Variants in KHDRBS2 observed in about 807,000 individuals in gnomAD.
The protein encoded by KHDRBS2 is KH RNA binding domain containing, signal transduction associated 2.
Under a neutral mutation model 44.3 loss-of-function variants are expected in KHDRBS2, and 26 were observed. The observed-to-expected ratio is 0.59, with a 90% CI of 0.43 to 0.81. The LOEUF (loss-of-function observed/expected upper bound fraction) is 0.81, where lower values mean the gene tolerates loss of function less well. Among genes scored for constraint, KHDRBS2 ranks in the 40% least tolerant of loss-of-function variants. The pLI is 0.00. For synonymous variants in KHDRBS2, 194 were observed against 151.1 expected (o/e 1.28, Z -2.08); for missense variants, 476 against 433.1 (o/e 1.10, Z -0.88).
chr6:61,580,330 A>T, the KHDRBS2 span, among the ~76,000 whole-genome samples: 2 of 152,152 alleles, frequency 1.3e-5, no homozygotes, highest in African/African-American at 4.8e-5. Context: ...TAGCTAAAGG[A>T]TTGTAAAGGC....
chr6:61,765,046 A>T (rs1287730414), intron 6 of KHDRBS2, among the ~76,000 whole-genome samples: 2 of 152,198 alleles, frequency 1.3e-5, no homozygotes, highest in Non-Finnish European at 2.9e-5. Flanking sequence ...TCGAACTTCA[A>T]ATTACGAAAG....
intron 2 of KHDRBS2, among the ~76,000 whole-genome samples, chr6:62,082,903 C>A (rs771039698): frequency 6.6e-6 from 1 of 152,064 alleles, no homozygotes; most frequent in Admixed American, 6.6e-5. Flanking sequence ...GAGATACCCC[C>A]GGAATCCACT....
intron 3 of KHDRBS2, among the ~76,000 whole-genome samples, chr6:62,041,417 A>G (rs909716389): frequency 3.9e-5 from 6 of 152,128 alleles, no homozygotes; most frequent in African/African-American, 7.2e-5. Flanking sequence ...GAAAAGAACT[A>G]CATCATTATA....
intron 6 of KHDRBS2, among the ~76,000 whole-genome samples, chr6:61,776,045 A>T (rs1030151268): frequency 7.2e-5 from 11 of 152,206 alleles, no homozygotes; most frequent in Non-Finnish European, 1.3e-4. Flanking sequence ...TGGGGAAAGG[A>T]TTCCCTATTT....
intron 2 of KHDRBS2, among the ~76,000 whole-genome samples, chr6:62,161,475 G>T (rs1817604521): frequency 6.9e-6 from 1 of 144,886 alleles, no homozygotes; most frequent in Non-Finnish European, 1.5e-5. Context: ...GAGTAACCTA[G>T]ATATCATTTA....
Position 61,979,866 on chromosome 6 carries a change from A to G in KHDRBS2, c.337-1654T>C, listed in dbSNP as rs115361259. Among the ~76,000 whole-genome samples, 509 of 152,222 alleles carry G rather than the reference A, an allele frequency of 3.3e-3. 3 individuals are homozygous for G. The highest frequency in any genetic ancestry group is 0.012 in the African/African-American group (491 of 41,558). On this transcript the variant is annotated intron_variant, in intron 3 of 8. Transcript: ENST00000281156. ...TTTGGGCATACATGCTGAAATAATT[A>G]AATCAGAGATTTCTTGACACTGTCC...
intron 2 of KHDRBS2, among the ~76,000 whole-genome samples, chr6:62,109,073 T>C (rs1345039992): frequency 6.7e-6 from 1 of 149,284 alleles, no homozygotes; most frequent in Non-Finnish European, 1.5e-5. Context: ...ATTGTGCACA[T>C]GTACCCTAAA....
chr6:61,948,992 C>G (rs1764197313), intron 4 of KHDRBS2, among the ~76,000 whole-genome samples: 1 of 151,990 alleles, frequency 6.6e-6, no homozygotes, highest in African/African-American at 2.4e-5. Flanking sequence ...AGCTGATATA[C>G]AAGAAGAAAC....
chr6:61,576,686 A>G, the KHDRBS2 span, among the ~76,000 whole-genome samples: 9 of 152,192 alleles, frequency 5.9e-5, no homozygotes, highest in African/African-American at 2.2e-4. Context: ...AATAAACTGT[A>G]CATAAACTAT....
At chr6:61,707,696 G>A (rs973050491) in intron 7 of KHDRBS2, among the ~76,000 whole-genome samples, 1 of 151,580 alleles carries the variant, frequency 6.6e-6, no homozygotes, top group African/African-American at 2.4e-5. Flanking sequence ...CTACAAGCTA[G>A]TATTAATACT....
chr6:61,800,359 A>G (rs1238621267), intron 6 of KHDRBS2, among the ~76,000 whole-genome samples: 1 of 152,154 alleles, frequency 6.6e-6, no homozygotes, highest in Non-Finnish European at 1.5e-5. Context: ...CATCATTAAT[A>G]TGAGGAGCTT....
chr6:61,762,556 G>T (rs569263913), intron 6 of KHDRBS2, among the ~76,000 whole-genome samples: 1 of 152,174 alleles, frequency 6.6e-6, no homozygotes, highest in South Asian at 2.1e-4. Flanking sequence ...CCTCTCTCTT[G>T]TCTATCTGTC....
At chr6:61,898,845 T>C (rs1014274022) in intron 5 of KHDRBS2, among the ~76,000 whole-genome samples, 4 of 151,806 alleles carry the variant, frequency 2.6e-5, no homozygotes, top group African/African-American at 2.4e-5. Context: ...TTAGGAGCAA[T>C]AGGGAGGTGA....
intron 1 of KHDRBS2, among the ~76,000 whole-genome samples, chr6:62,273,564 C>A (rs1196098707): frequency 1.3e-5 from 2 of 152,198 alleles, no homozygotes; most frequent in East Asian, 3.9e-4. Flanking sequence ...TTTCTCCTGT[C>A]TTTCCCTTAA....
rs202049443 is a variant in KHDRBS2, at chr6:61,901,298, C to T, written c.557G>A (p.Arg186His). 4.7e-5 allele frequency: 75 copies of T among 1,612,802 alleles called. No individual in the cohort carries two copies. The highest frequency in any genetic ancestry group is 1.6e-4 in the Middle Eastern group (1 of 6,082). ...CCCTCTGCCTCTAATACCTCTGCCACGACCAGAGTCCTCTGAGCCATTTAA... is the reference window on the plus strand; with the variant it reads ...CCCTCTGCCTCTAATACCTCTGCCATGACCAGAGTCCTCTGAGCCATTTAA... ...SYLNGSEDSG[R>H]GRGIRGRGIR... is the part of the protein sequence containing the mutation. The change falls in exon 5 of 9, where the codon CGT becomes CAT. Residue 186 changes from arginine to histidine, a missense_variant. Coordinates refer to ENST00000281156, the MANE Select transcript of KHDRBS2 (RefSeq NM_152688.4).
chr6:61,960,146 C>T (rs1356138619), intron 4 of KHDRBS2, among the ~76,000 whole-genome samples: 1 of 152,032 alleles, frequency 6.6e-6, no homozygotes, highest in African/African-American at 2.4e-5. Context: ...TCAGAAAGTA[C>T]TCACCTTAAA....
chr6:61,927,536 T>A (rs371813212), intron 4 of KHDRBS2, among the ~76,000 whole-genome samples: 83 of 152,228 alleles, frequency 5.5e-4, no homozygotes, highest in African/African-American at 1.9e-3. Flanking sequence ...TTGAGACTAT[T>A]GCTCATTTAA....
At chr6:62,240,243 G>A (rs1350036130) in intron 1 of KHDRBS2, among the ~76,000 whole-genome samples, 1 of 152,026 alleles carries the variant, frequency 6.6e-6, no homozygotes, top group African/African-American at 2.4e-5. Flanking sequence ...TCTCTCAGTA[G>A]GCTCCTTTGT....
At chr6:62,224,964 T>G (rs1444338541) in intron 1 of KHDRBS2, among the ~76,000 whole-genome samples, 1 of 152,196 alleles carries the variant, frequency 6.6e-6, no homozygotes, top group Admixed American at 6.6e-5. Context: ...GTCTTGGTTT[T>G]GACATTCCCT....
Sources: allele counts gnomAD v4.1 joint callset (sites outside exome capture counted in the v4.1 genomes callset), GRCh38; gene constraint gnomAD v4.1.1; transcripts MANE v1.5; gene names NCBI Gene and HGNC (gene_info 2026-07-23, HGNC 2026-07-21).